Variants in FAT2 observed in about 807,000 individuals in gnomAD.
FAT2 encodes the protein protocadherin Fat 2.
A neutral mutation model predicts 295.3 loss-of-function variants in FAT2; 150 were observed. That is an observed-to-expected ratio of 0.51 (90% CI 0.44 to 0.58). The LOEUF (loss-of-function observed/expected upper bound fraction) is 0.58. FAT2 is among the 20% of genes least tolerant of loss of function. FAT2 has a pLI of 0.00. For synonymous variants in FAT2, 2,026 were observed against 2,150.3 expected (o/e 0.94, Z 1.60); for missense variants, 4,868 against 5,442.7 (o/e 0.89, Z 3.32).
rs75859835 is a variant in FAT2, at chr5:151,532,290, C to T, written c.9428-320G>A. Among the ~76,000 whole-genome samples the T allele has an allele frequency of 1.6e-3, 250 of 152,266 alleles. 1 individual carries two copies. The highest frequency in any genetic ancestry group is 2.8e-3 in the Admixed American group (43 of 15,298). ...AGATAAAACCACCCATAGAGAGTTC[C>T]TTGACTGAGATAGAACAGCTCTGTA... On this transcript the variant is annotated intron_variant, in intron 13 of 23. Coordinates refer to ENST00000261800, the MANE Select transcript of FAT2 (RefSeq NM_001447.3).
rs1462572433 is a variant in FAT2, at chr5:151,567,328, G to A, written c.1604C>T (p.Ala535Val). 8.1e-6 allele frequency: 13 copies of A among 1,614,160 alleles called. No homozygotes were observed. Among genetic ancestry groups the A allele is most frequent in the Non-Finnish European group, 1.0e-5 (12 of 1,180,012 alleles). Residue 535 changes from alanine to valine, a missense_variant, in exon 2 of 24, where the codon GCA becomes GTA. This residue lies in a region of FAT2 where 3,297 missense variants were observed against 3,669.4 expected (regional missense o/e 0.90). Transcript: ENST00000261800. ...MKRIYTFRVR[A>V]SDWGSPFRRE... ...GCGAAAAGGGGATCCCCAGTCTGAT[G>A]CTCTTACCCGGAAGGTATAAATTCT...
chr5:151,525,050 A>G (rs1753844716), intron 18 of FAT2, among the ~76,000 whole-genome samples: 1 of 152,226 alleles, frequency 6.6e-6, no homozygotes, highest in Admixed American at 6.5e-5. Flanking sequence ...ACCCTCTGCT[A>G]TGTTCCTAGC....
chr5:151,574,253 C>T (rs1157837096), intron 1 of FAT2, among the ~76,000 whole-genome samples: 1 of 152,122 alleles, frequency 6.6e-6, no homozygotes, highest in East Asian at 1.9e-4. Flanking sequence ...GCCCCGTGGA[C>T]CTTTTTTCTC....
chr5:151,586,393 A>G (rs1225295112), intron 1 of FAT2, among the ~76,000 whole-genome samples: 1 of 152,212 alleles, frequency 6.6e-6, no homozygotes, highest in Non-Finnish European at 1.5e-5. Context: ...GCCGCCCAGG[A>G]ACAGAAAAAG....
rs966910860 is a variant in FAT2 at position 151,512,971 on chromosome 5, G to T, written c.11464-365C>A. On this transcript the variant is annotated intron_variant, in intron 20 of 23. Coordinates refer to ENST00000261800, the MANE Select transcript of FAT2 (RefSeq NM_001447.3). This position sits in a 1 kb window ranked among gnomAD's most constrained non-coding sequence, Gnocchi z 4.1. ...TGGCCTTCAGCGATTTGAAAAACCT[G>T]TCTCCCACTCCCACTTCCTTATTCA... Among the ~76,000 whole-genome samples, 3 of 152,306 alleles carry T rather than the reference G, an allele frequency of 2.0e-5. No individual in the cohort carries two copies. Among genetic ancestry groups the T allele is most frequent in the Admixed American group, 6.5e-5 (1 of 15,300 alleles).
chr5:151,571,894 C>T (rs1174800365), intron 1 of FAT2, among the ~76,000 whole-genome samples: 2 of 152,200 alleles, frequency 1.3e-5, no homozygotes, highest in East Asian at 3.9e-4. Flanking sequence ...CTTGCCCTGG[C>T]CTAGAAGGCT....
At chr5:151,592,560 G>A (rs1759454839), upstream of FAT2, among the ~76,000 whole-genome samples, 1 of 152,146 alleles carries the variant, frequency 6.6e-6, no homozygotes, top group Admixed American at 6.5e-5. Context: ...AGCAATTCTA[G>A]CTGATGTTCA....
chr5:151,563,281 A>C, intron 3 of FAT2, 44 bp downstream of exon 3: 1 of 1,550,836 alleles, frequency 6.4e-7, no homozygotes, highest in Non-Finnish European at 8.8e-7. Flanking sequence ...TTTGAGAACC[A>C]CCATTGTAGA....
In FAT2 at chr5:151,556,359, A is replaced by C; in HGVS notation, c.3618T>G (p.Asp1206Glu). The change falls in exon 4 of 24, where the codon GAT becomes GAG. Residue 1206 changes from aspartate to glutamate, a missense_variant. Transcript: ENST00000261800. The part of the protein sequence containing the change: ...TAQQLDRENK[D>E]EHILEVTVLD... ...CATTACTTACCTCCAGGATGTGTTC[A>C]TCCTTGTTCTCTCTGTCCAGCTGCT... is the stretch of plus-strand genomic sequence containing the variant. 1 of 1,613,938 alleles carries C rather than the reference A, an allele frequency of 6.2e-7. No homozygotes were observed.
At chr5:151,508,476 G>A (rs60166740) in intron 22 of FAT2, among the ~76,000 whole-genome samples, 1,883 of 152,266 alleles carry the variant, frequency 0.012, 40 homozygotes, top group African/African-American at 0.043. Flanking sequence ...TTGGGCAGCC[G>A]AGTCAGCGGG....
chr5:151,566,882 G>A lies in FAT2; in HGVS notation c.2050C>T (p.Leu684Phe). 1 of 1,614,146 alleles carries A rather than the reference G, an allele frequency of 6.2e-7. No individual in the cohort carries two copies. Among genetic ancestry groups the A allele is most frequent in the Non-Finnish European group, 8.5e-7 (1 of 1,180,026 alleles). ...TGGTTCTGAAGCCCAATAAAGTGGA[G>A]GATAGTCTTTGTGAATTGTGTCAAT... The part of the protein sequence containing the change: ...GVLTQFTKTI[L>F]HFIGLQNQES... The change falls in exon 2 of 24, where the codon CTC (leucine) becomes TTC (phenylalanine). Residue 684 changes from leucine to phenylalanine, a missense_variant. Around this residue, in one of 5 missense-constraint regions of FAT2, gnomAD observed 3,297 missense variants for 3,669.4 expected, o/e 0.90. Transcript: ENST00000261800.
intron 19 of FAT2, among the ~76,000 whole-genome samples, chr5:151,520,014 T>G (rs1753278428): frequency 6.6e-6 from 1 of 152,238 alleles, no homozygotes; most frequent in African/African-American, 2.4e-5. Flanking sequence ...AGAGAGACCC[T>G]TCAGCCTTCT....
At chr5:151,574,073 G>C (rs997202836) in intron 1 of FAT2, among the ~76,000 whole-genome samples, 2 of 152,138 alleles carry the variant, frequency 1.3e-5, no homozygotes, top group South Asian at 4.2e-4. Context: ...GACCCTAAAC[G>C]AGCCCCCCAA....
At chr5:151,506,247 G>T in intron 23 of FAT2, 150 bp from the exon 24 acceptor site, 1 of 781,958 alleles carries the variant, frequency 1.3e-6, no homozygotes, top group Non-Finnish European at 1.8e-6. Context: ...GTTGGCTTAC[G>T]TTGATAACAT....
chr5:151,565,647 A>AGCC, intron 2 of FAT2, 26 bp downstream of exon 2: 7 of 1,461,024 alleles, frequency 4.8e-6, no homozygotes, highest in East Asian at 2.4e-5. Context: ...TGGCCCTGGC[A>AGCC]CCCCACCCTA....
intron 9 of FAT2, among the ~76,000 whole-genome samples, chr5:151,548,167 A>G (rs1368468818): frequency 1.3e-5 from 2 of 152,200 alleles, no homozygotes; most frequent in Non-Finnish European, 2.9e-5. Context: ...TACTGGCTTT[A>G]TACAGTACCA....
chr5:151,550,739 T>C lies in FAT2; in HGVS notation c.4429A>G (p.Lys1477Glu), dbSNP rs778626534. The change falls in exon 8 of 24, where the codon AAG becomes GAG. Residue 1477 changes from lysine (K) to glutamate (E), a missense_variant. Around this residue, in one of 5 missense-constraint regions of FAT2, gnomAD observed 3,297 missense variants for 3,669.4 expected, o/e 0.90. Coordinates refer to ENST00000261800, the MANE Select transcript of FAT2 (RefSeq NM_001447.3). ...LLRVQAIDQD[K>E]GKSLIYTIHG... ...ATGGTATAGATGAGGCTTTTGCCCT[T>C]GTCTTGATCTATGGCCTGGACTCGC... The C allele has an allele frequency of 3.1e-6, 5 of 1,614,068 alleles. No individual in the cohort carries two copies. In the African/African-American group the frequency reaches 5.3e-5, roughly 17 times the overall value.
In FAT2 at chr5:151,540,705, G is replaced by A. The variant is rs759977687; in HGVS notation, c.8901C>T (p.Ser2967=). The change falls in exon 11 of 24, where the codon TCC becomes TCT. Residue 2967 remains serine, a synonymous_variant. Transcript: ENST00000261800. ...ISQVGDEWRI[S]SRKTLDREHT... is the part of the protein sequence containing the mutation. ...GCTCGCGGTCCAGGGTCTTCCTTGA[G>A]GAAATCCTCCACTCATCTCCAACTT... The A allele has an allele frequency of 3.7e-6, 6 of 1,614,088 alleles. No individual in the cohort carries two copies. The highest frequency in any genetic ancestry group is 1.1e-5 in the South Asian group (1 of 91,084).
At chr5:151,571,272 A>G (rs988785419) in intron 1 of FAT2, among the ~76,000 whole-genome samples, 3 of 152,044 alleles carry the variant, frequency 2.0e-5, no homozygotes, top group Non-Finnish European at 4.4e-5. Flanking sequence ...TCAGCCCCCA[A>G]CCCATGCAGG....
Sources: allele counts gnomAD v4.1 joint callset (sites outside exome capture counted in the v4.1 genomes callset), GRCh38; gene constraint gnomAD v4.1.1; regional missense constraint gnomAD v4.1.1; non-coding constraint Gnocchi (gnomAD v3.1); transcripts MANE v1.5; gene names NCBI Gene and HGNC (gene_info 2026-07-23, HGNC 2026-07-21).